Variants in TYMS observed in about 807,000 individuals in gnomAD.
TYMS encodes thymidylate synthase.
A neutral mutation model predicts 39.3 loss-of-function variants in TYMS; 21 were observed. That is an observed-to-expected ratio of 0.54 (90% CI 0.38 to 0.77). The LOEUF is 0.77. Among genes scored for constraint, TYMS ranks in the 30% least tolerant of loss-of-function variants. The pLI, the probability that TYMS is intolerant of heterozygous loss-of-function variation, is 0.00. For synonymous variants in TYMS, 171 were observed against 162.2 expected, an observed-to-expected ratio of 1.05 and a Z score of -0.41; for missense variants, 273 against 406.7, an observed-to-expected ratio of 0.67 and a Z score of 2.83.
intron 4 of TYMS, 134 bp downstream of exon 4, chr18:669,307 T>C (rs541661319): frequency 2.2e-5 from 14 of 636,536 alleles, no homozygotes; most frequent in Non-Finnish European, 3.3e-5. Flanking sequence ...TTGTGTGACG[T>C]TGGGCAAGTC....
At chr18:669,278 C>G (rs1247332706) in intron 4 of TYMS, 105 bp downstream of exon 4, 1 of 840,480 alleles carries the variant, frequency 1.2e-6, no homozygotes, top group Non-Finnish European at 1.8e-6. Flanking sequence ...CTGGGAACTT[C>G]CCCCAGCCAC....
At chr18:667,535 T>TGATGGTGATGGA (rs2074877456) in intron 3 of TYMS, among the ~76,000 whole-genome samples, 1 of 72,054 alleles carries the variant, frequency 1.4e-5, no homozygotes, top group Non-Finnish European at 2.4e-5. Flanking sequence ...ATGGAGATGG[T>TGATGGTGATGGA]GATGGTGATG....
intron 2 of TYMS, among the ~76,000 whole-genome samples, chr18:661,219 C>A (rs1179856644): frequency 6.6e-6 from 1 of 152,034 alleles, no homozygotes; most frequent in East Asian, 1.9e-4. Flanking sequence ...GGGACAAACT[C>A]AACAATAGAA....
chr18:668,285 C>G (rs1236459052), intron 3 of TYMS, among the ~76,000 whole-genome samples: 1 of 152,072 alleles, frequency 6.6e-6, no homozygotes, highest in African/African-American at 2.4e-5. Flanking sequence ...GAGGACTTTC[C>G]TCCCAAAATT....
At position 671,388 on chromosome 18, in the gene TYMS, CTT is replaced by C; in HGVS notation, c.743_744del (p.Phe248TyrfsTer38). 6.2e-7 allele frequency: 1 copy of C among 1,611,086 alleles called. No individual in the cohort carries two copies. Among genetic ancestry groups the C allele is most frequent in the East Asian group, 2.2e-5 (1 of 44,880 alleles). ...AHITGLKPGD[F>X]IHTLGDAHIY... ...CTCCCCCGGGTTTATAGCCAGGTGA[CTT>C]TATACACACTTTGGGAGATGCACAT... On this transcript the variant is annotated frameshift_variant, in exon 6 of 7. Transcript: ENST00000323274. LOFTEE classifies it high-confidence loss of function.
intron 3 of TYMS, among the ~76,000 whole-genome samples, chr18:662,560 A>T (rs1335107359): frequency 6.7e-6 from 1 of 148,758 alleles, no homozygotes; most frequent in Non-Finnish European, 1.5e-5. Flanking sequence ...CATGTGCACA[A>T]TGTGCAGGTT....
rs758880712 is a variant in TYMS at position 658,196 on chromosome 18, G to A, written c.205+249G>A. ...TAAGCCGCGTCCCAGCGGCTCCGCG[G>A]CCGGGCTCGCAGTCGCCCCAGTGAT... On this transcript the variant is annotated intron_variant, in intron 1 of 6. Coordinates refer to ENST00000323274, the MANE Select transcript of TYMS (RefSeq NM_001071.4). The surrounding 1 kb of genome is among the most constrained non-coding windows in gnomAD (Gnocchi z 4.5). 30 of 1,537,486 alleles carry A rather than the reference G, an allele frequency of 2.0e-5. No homozygotes were observed. In the South Asian group the frequency reaches 3.6e-4, roughly 18 times the overall value.
chr18:659,542 C>G, intron 1 of TYMS, 99 bp from the exon 2 acceptor site: 1 of 1,009,228 alleles, frequency 9.9e-7, no homozygotes. Context: ...TCTGGATGCT[C>G]CAGGGCCTCA....
intron 2 of TYMS, among the ~76,000 whole-genome samples, 173 bp from the exon 3 acceptor site, chr18:661,973 G>A (rs1013592578): frequency 3.9e-5 from 6 of 152,136 alleles, no homozygotes; most frequent in African/African-American, 1.4e-4. Context: ...CAACAAGAGC[G>A]AAACTCTCAA....
intron 2 of TYMS, among the ~76,000 whole-genome samples, chr18:661,558 A>C (rs968634965): frequency 6.6e-6 from 1 of 152,258 alleles, no homozygotes; most frequent in Admixed American, 6.5e-5. Flanking sequence ...AATACTTAAA[A>C]GCACTTGGAG....
Position 657,774 on chromosome 18 carries a change from G to A in TYMS, c.32G>A (p.Arg11Gln), listed in dbSNP as rs2074702406. Residue 11 changes from arginine to glutamine, a missense_variant, in exon 1 of 7, where the codon CGG (arginine) becomes CAG (glutamine). Transcript: ENST00000323274. Reference protein sequence around the residue: MPVAGSELPRRPLPPAAQERD... With the variant: MPVAGSELPRQPLPPAAQERD... The stretch of plus-strand genomic sequence containing the variant: ...GTGGCCGGCTCGGAGCTGCCGCGCC[G>A]GCCCTTGCCCCCCGCCGCACAGGAG... The A allele has an allele frequency of 2.1e-6, 3 of 1,439,082 alleles. No individual in the cohort carries two copies. The highest frequency in any genetic ancestry group is 6.0e-5 in the Admixed American group (2 of 33,224). The allele number at this position is 1,439,082 out of a possible 1,614,324, so 89.1% of individuals were successfully genotyped here.
rs867970977 is a variant in TYMS at position 667,047 on chromosome 18, T to A, written c.455-2025T>A. Among the ~76,000 whole-genome samples, 13 of 28,098 alleles carry A rather than the reference T, an allele frequency of 4.6e-4. No homozygotes were observed. In the South Asian group the frequency reaches 5.6e-3, roughly 12 times the overall value. The allele number at this position is 28,098 out of a possible 152,430, so 18.4% of individuals were successfully genotyped here. A position where few individuals can be genotyped will look rare whatever the true frequency, so the allele number is the denominator to read the frequency against. ...GAGATGGTGATGGAGATGGTGATGG[T>A]GATGGAGATGGAGATGGTGATGGTG... is the stretch of plus-strand genomic sequence containing the variant. On this transcript the variant is annotated intron_variant, in intron 3 of 6. Transcript: ENST00000323274.
chr18:667,296 GGT>G (rs2074863070), intron 3 of TYMS, among the ~76,000 whole-genome samples: 1 of 38,652 alleles, frequency 2.6e-5, no homozygotes, highest in Admixed American at 2.0e-4. Flanking sequence ...TGATGGAGAT[GGT>G]GATGGTGATG....
chr18:670,461 A>G, intron 4 of TYMS: 1 of 532,904 alleles, frequency 1.9e-6, no homozygotes, highest in South Asian at 2.5e-5. Context: ...ATGGAAGAGC[A>G]TTGCTTCAGC....
In TYMS at chr18:671,364, T is replaced by TC. The variant is rs762707189; in HGVS notation, c.733-11dup. 2.6e-6 allele frequency: 4 copies of TC among 1,565,010 alleles called. No homozygotes were observed. The African/African-American group carries it at 4.1e-5, about 16-fold the overall frequency. On this transcript the variant is annotated splice_polypyrimidine_tract_variant and intron_variant, in intron 5 of 6. Transcript: ENST00000323274. ...GAAACTAACATACTGTTCTGCTTTCTCCCCCGGGTTTATAGCCAGGTGACT... is the reference window on the plus strand; with the variant it reads ...GAAACTAACATACTGTTCTGCTTTCTCCCCCCGGGTTTATAGCCAGGTGACT...
chr18:663,925 T>A (rs2074781834), intron 3 of TYMS, among the ~76,000 whole-genome samples: 1 of 107,200 alleles, frequency 9.3e-6, no homozygotes, highest in Non-Finnish European at 1.8e-5. Context: ...TGTAGCCTTG[T>A]AGTATAGTTT....
chr18:670,896 C>T lies in TYMS; in HGVS notation c.732+29C>T, dbSNP rs757442255. 6 of 1,611,674 alleles carry T rather than the reference C, an allele frequency of 3.7e-6. No individual in the cohort carries two copies. The East Asian group carries it at 1.3e-4, about 36-fold the overall frequency. ...GGCTGTCTCGGGAAGGGTGACTTGCCAGCCTACCACACTGAGCTCTTCAGT... is the reference window on the plus strand; with the variant it reads ...GGCTGTCTCGGGAAGGGTGACTTGCTAGCCTACCACACTGAGCTCTTCAGT... On this transcript the variant is annotated intron_variant, in intron 5 of 6. Coordinates refer to ENST00000323274, the MANE Select transcript of TYMS (RefSeq NM_001071.4).
Position 667,424 on chromosome 18 carries a change from T to C in TYMS, c.455-1648T>C, listed in dbSNP as rs370168519. On this transcript the variant is annotated intron_variant, in intron 3 of 6. Transcript: ENST00000323274. The stretch of plus-strand genomic sequence containing the variant: ...GTGATGGTGATGGTGATGGTGATGG[T>C]GATGGAGATGGTGATGGTGATGGTG... Among the ~76,000 whole-genome samples the C allele has an allele frequency of 1.7e-3, 5 of 2,858 alleles. 1 individual carries two copies. The highest frequency in any genetic ancestry group is 6.2e-3 in the African/African-American group (5 of 802). 1.9% of individuals were successfully genotyped at this position (2,858 alleles called of 152,430 possible). A position where few individuals can be genotyped will look rare whatever the true frequency, so the allele number is the denominator to read the frequency against.
At chr18:671,177 C>A (rs923583976) in intron 5 of TYMS, 3 of 612,204 alleles carry the variant, frequency 4.9e-6, no homozygotes, top group Non-Finnish European at 8.6e-6. Context: ...GAGACTGAGA[C>A]AGGAGCAATT....
Sources: gnomAD v4.1 joint callset for allele counts (sites outside exome capture counted in the v4.1 genomes callset) on GRCh38, gnomAD v4.1.1 for gene constraint, Gnocchi (gnomAD v3.1) non-coding constraint, MANE v1.5 for transcripts, NCBI Gene and HGNC (gene_info 2026-07-23, HGNC 2026-07-21) for gene names.